The following UBE3D variants were observed in gnomAD, a reference collection of about 807,000 sequenced individuals.
UBE3D encodes the protein ubiquitin protein ligase E3D, also known as E3 ubiquitin-protein ligase E3D.
In UBE3D, 48 loss-of-function variants were observed where a neutral mutation model predicts 49.6. The observed-to-expected ratio is 0.97, with a 90% CI of 0.77 to 1.23. The LOEUF (loss-of-function observed/expected upper bound fraction) is 1.23. UBE3D is among the 50% of genes most tolerant of loss of function. The probability of loss-of-function intolerance (pLI) is 0.00; values close to 1 mark genes in which losing one functional copy is unlikely to be tolerated. For synonymous variants in UBE3D, 189 were observed against 174.2 expected, an observed-to-expected ratio of 1.08 and a Z score of -0.67; for missense variants, 452 against 468.4, an observed-to-expected ratio of 0.96 and a Z score of 0.32.
chr6:83,054,093 A>G, intron 3 of UBE3D, 55 bp downstream of exon 3: 1 of 1,456,386 alleles, frequency 6.9e-7, no homozygotes, highest in Non-Finnish European at 9.6e-7. Flanking sequence ...TCTGATAGAA[A>G]AAGAGATAAC....
chr6:82,889,065 G>C (rs1208548702), downstream of UBE3D, among the ~76,000 whole-genome samples: 3 of 152,172 alleles, frequency 2.0e-5, no homozygotes, highest in Non-Finnish European at 4.4e-5. Flanking sequence ...GTGGTCTTGT[G>C]TATTTAAGAT....
intron 9 of UBE3D, among the ~76,000 whole-genome samples, chr6:82,915,535 C>T (rs904867371): frequency 7.9e-5 from 12 of 152,176 alleles, no homozygotes; most frequent in South Asian, 2.1e-4. Context: ...CCTCACTGAA[C>T]GTGTTTCTGA....
At chr6:82,968,017 G>A (rs1777074673) in intron 8 of UBE3D, among the ~76,000 whole-genome samples, 2 of 151,994 alleles carry the variant, frequency 1.3e-5, no homozygotes, top group Non-Finnish European at 2.9e-5. Flanking sequence ...TCTACTGAAG[G>A]ACATTTGGGC....
chr6:82,965,173 G>C (rs1304458228), intron 8 of UBE3D, among the ~76,000 whole-genome samples: 1 of 152,060 alleles, frequency 6.6e-6, no homozygotes, highest in African/African-American at 2.4e-5. Context: ...TACCAATAAG[G>C]CAGTCTCAAA....
chr6:82,943,169 CT>C (rs1775140670), intron 9 of UBE3D, among the ~76,000 whole-genome samples: 1 of 152,192 alleles, frequency 6.6e-6, no homozygotes, highest in African/African-American at 2.4e-5. Context: ...CCTGTAGCCC[CT>C]TTGTTTTGGC....
chr6:82,953,848 T>C (rs112423985), intron 9 of UBE3D, among the ~76,000 whole-genome samples: 64 of 152,296 alleles, frequency 4.2e-4, no homozygotes, highest in African/African-American at 1.4e-3. Context: ...GTAATGGTGA[T>C]GTGAAGAAGG....
chr6:82,928,494 T>C (rs1219632825), intron 9 of UBE3D, among the ~76,000 whole-genome samples: 1 of 152,168 alleles, frequency 6.6e-6, no homozygotes, highest in East Asian at 1.9e-4. Flanking sequence ...TGCAAATGTA[T>C]TGAGAAGCTT....
intron 2 of UBE3D, among the ~76,000 whole-genome samples, chr6:83,054,753 G>C (rs1783704882): frequency 6.6e-6 from 1 of 152,060 alleles, no homozygotes; most frequent in Admixed American, 6.6e-5. Flanking sequence ...CTGGGTTCAA[G>C]CAATTCTCTG....
At chr6:82,991,953 C>T (rs1311484295) in intron 8 of UBE3D, among the ~76,000 whole-genome samples, 1 of 151,944 alleles carries the variant, frequency 6.6e-6, no homozygotes, top group East Asian at 1.9e-4. Context: ...ATTAGTGTAC[C>T]TGTAAAAGTC....
chr6:82,913,701 G>A (rs897324698), intron 9 of UBE3D, among the ~76,000 whole-genome samples: 16 of 152,122 alleles, frequency 1.1e-4, no homozygotes, highest in Admixed American at 2.6e-4. Flanking sequence ...TGGAGGTGAT[G>A]GAAATGTGAG....
intron 8 of UBE3D, among the ~76,000 whole-genome samples, chr6:82,983,601 C>T (rs1778261807): frequency 6.6e-6 from 1 of 151,926 alleles, no homozygotes; most frequent in Non-Finnish European, 1.5e-5. Flanking sequence ...TATTCCAAAT[C>T]CAGGACTAAA....
At chr6:83,017,996 A>C (rs1780813814) in intron 8 of UBE3D, 1 of 152,170 alleles carries the variant, frequency 6.6e-6, no homozygotes, top group African/African-American at 2.4e-5. Context: ...ATGAACAGAA[A>C]AGGAAGTGGA....
At chr6:83,052,752 G>A (rs767363762) in intron 3 of UBE3D, among the ~76,000 whole-genome samples, 11 of 152,108 alleles carry the variant, frequency 7.2e-5, no homozygotes, top group Non-Finnish European at 1.3e-4. Flanking sequence ...GCATGTTTCT[G>A]GAATTTATAT....
At chr6:83,016,662 C>G (rs1780720333) in intron 8 of UBE3D, among the ~76,000 whole-genome samples, 1 of 150,718 alleles carries the variant, frequency 6.6e-6, no homozygotes, top group Non-Finnish European at 1.5e-5. Flanking sequence ...TATATAAAGC[C>G]ATATATAAAT....
intron 8 of UBE3D, among the ~76,000 whole-genome samples, chr6:83,004,503 T>C (rs574534206): frequency 6.6e-6 from 1 of 152,332 alleles, no homozygotes; most frequent in South Asian, 2.1e-4. Flanking sequence ...TATCCCACAC[T>C]GCAAAGTCAG....
At chr6:82,932,530 C>G (rs1774240813) in intron 9 of UBE3D, 2 of 152,074 alleles carry the variant, frequency 1.3e-5, no homozygotes, top group Non-Finnish European at 2.9e-5. Context: ...GGTGGCGATT[C>G]CAAATCACCC....
intron 9 of UBE3D, among the ~76,000 whole-genome samples, chr6:82,894,562 C>G (rs1771173355): frequency 6.6e-6 from 1 of 152,150 alleles, no homozygotes; most frequent in Admixed American, 6.5e-5. Context: ...CACATAAAAC[C>G]TGCATTTCTG....
intron 8 of UBE3D, among the ~76,000 whole-genome samples, chr6:82,989,802 T>C (rs1029163948): frequency 6.6e-6 from 1 of 152,190 alleles, no homozygotes; most frequent in Non-Finnish European, 1.5e-5. Context: ...CAATTACTTA[T>C]ATGTAAGCCC....
rs1328820772 is a variant in UBE3D at position 83,044,492 on chromosome 6, T to G, written c.533A>C (p.Gln178Pro). Residue 178 changes from glutamine (Q) to proline (P), a missense_variant, in exon 4 of 10, where the codon CAG (glutamine) becomes CCG (proline). Physicochemically the swap from Gln to Pro is moderately conservative, Grantham distance 76. Transcript: ENST00000369747. Reference sequence around the variant, plus strand: ...CACTGGGGATAGTTCAGGTCTTTGCTGCCACAAACTGGTTCTTAAATTCAC... The same window carrying G: ...CACTGGGGATAGTTCAGGTCTTTGCGGCCACAAACTGGTTCTTAAATTCAC... ...FLVNLRTSLW[Q>P]QRPELSPVEM... 6.2e-7 allele frequency: 1 copy of G among 1,614,160 alleles called. No individual in the cohort carries two copies.
Sources: allele counts gnomAD v4.1 joint callset (sites outside exome capture counted in the v4.1 genomes callset), GRCh38; gene constraint gnomAD v4.1.1; transcripts MANE v1.5; gene names NCBI Gene and HGNC (gene_info 2026-07-23, HGNC 2026-07-21).